Variants in PVT1 observed in about 807,000 individuals in gnomAD.
PVT1 encodes the protein CXCR4/PVT1 fusion.
At chr8:127,934,862 G>T (rs74385935) in intron 3 of PVT1, among the ~76,000 whole-genome samples, 2,823 of 152,228 alleles carry the variant, frequency 0.019, 113 homozygotes, top group African/African-American at 0.065. Flanking sequence ...CTCCACTTTT[G>T]TTGCTCCTGG....
intron 2 of PVT1, among the ~76,000 whole-genome samples, chr8:127,812,256 C>CAGAA (rs1814605116): frequency 8.4e-6 from 1 of 119,226 alleles, no homozygotes; most frequent in African/African-American, 4.3e-5. Context: ...GGCAGGAAGG[C>CAGAA]AGGAAGGCAG....
intron 3 of PVT1, among the ~76,000 whole-genome samples, chr8:127,977,921 T>A (rs1816839397): frequency 6.6e-6 from 1 of 152,166 alleles, no homozygotes; most frequent in Non-Finnish European, 1.5e-5. Flanking sequence ...CCCACGTCCG[T>A]GGTGATGGGT....
At chr8:127,829,716 G>A (rs1284241683) in intron 2 of PVT1, among the ~76,000 whole-genome samples, 6 of 152,186 alleles carry the variant, frequency 3.9e-5, no homozygotes, top group African/African-American at 7.2e-5. Context: ...ACCTTTGCGG[G>A]TTGGCACATG....
intron 3 of PVT1, among the ~76,000 whole-genome samples, chr8:127,970,684 A>G (rs1816756435): frequency 6.6e-6 from 1 of 152,234 alleles, no homozygotes; most frequent in African/African-American, 2.4e-5. Flanking sequence ...CTGGGGTCTC[A>G]TCGTTGGTTA....
intron 4 of PVT1, among the ~76,000 whole-genome samples, chr8:128,060,905 C>CT (rs35320355): frequency 0.013 from 1,596 of 123,608 alleles, 65 homozygotes; most frequent in African/African-American, 0.03. Flanking sequence ...TAGGCAACTA[C>CT]TTTTTTTTTT....
intron 2 of PVT1, among the ~76,000 whole-genome samples, chr8:127,831,139 A>ATC (rs147278525): frequency 0.44 from 61,759 of 141,824 alleles, 13,265 homozygotes; most frequent in Admixed American, 0.56. Flanking sequence ...ATCTATATCT[A>ATC]TCTCTCTCTC....
chr8:128,002,884 CCTTTT>C (rs1210562392), intron 4 of PVT1, among the ~76,000 whole-genome samples: 2 of 151,926 alleles, frequency 1.3e-5, no homozygotes, highest in Admixed American at 6.6e-5. Flanking sequence ...TCTTTTTTTT[CCTTTT>C]CTTTTCTTTT....
chr8:128,003,161 CTT>C (rs71300290), intron 4 of PVT1, among the ~76,000 whole-genome samples: 1 of 128,020 alleles, frequency 7.8e-6, no homozygotes. Flanking sequence ...ACCACCACAC[CTT>C]TTTTTTTTTT....
At chr8:127,957,454 G>T (rs1356728180) in intron 3 of PVT1, among the ~76,000 whole-genome samples, 2 of 151,902 alleles carry the variant, frequency 1.3e-5, no homozygotes, top group Non-Finnish European at 2.9e-5. Context: ...GTACCGTGCA[G>T]CTACTCAGGA....
At chr8:127,968,628 A>T (rs1482079248) in intron 3 of PVT1, among the ~76,000 whole-genome samples, 1 of 152,192 alleles carries the variant, frequency 6.6e-6, no homozygotes, top group Non-Finnish European at 1.5e-5. Flanking sequence ...GGGTTAGTAC[A>T]GTGGGTGAAT....
At chr8:128,037,129 G>T (rs1022313222) in intron 4 of PVT1, among the ~76,000 whole-genome samples, 1 of 152,202 alleles carries the variant, frequency 6.6e-6, no homozygotes, top group African/African-American at 2.4e-5. Flanking sequence ...AAGAGGCAGG[G>T]GTGCCCGAGA....
At chr8:127,821,086 GA>G (rs1349371840) in intron 2 of PVT1, among the ~76,000 whole-genome samples, 1 of 152,132 alleles carries the variant, frequency 6.6e-6, no homozygotes, top group African/African-American at 2.4e-5. Flanking sequence ...TGTGTAACAT[GA>G]AAAAAGCTGT....
intron 3 of PVT1, among the ~76,000 whole-genome samples, chr8:127,958,128 G>A (rs750983705): frequency 5.9e-5 from 9 of 152,220 alleles, no homozygotes; most frequent in Non-Finnish European, 1.0e-4. Context: ...AAGTGTGGAG[G>A]AGGTTGTAAA....
At chr8:128,043,903 G>A (rs1327724958) in intron 4 of PVT1, among the ~76,000 whole-genome samples, 11 of 148,686 alleles carry the variant, frequency 7.4e-5, no homozygotes, top group African/African-American at 5.0e-5. Flanking sequence ...GTGCAATCAC[G>A]GCAGCCTTGA....
chr8:128,041,551 ATGTATGTG>A (rs1172570460), intron 4 of PVT1, among the ~76,000 whole-genome samples: 11 of 25,610 alleles, frequency 4.3e-4, no homozygotes, highest in Admixed American at 1.1e-3. Flanking sequence ...TGCTTGGTGA[ATGTATGTG>A]TGTATTTTGT....
At chr8:127,989,298 GACT>G (rs567725704) in intron 4 of PVT1, 2 of 152,084 alleles carry the variant, frequency 1.3e-5, no homozygotes, top group Non-Finnish European at 2.9e-5. Context: ...TAAGGTAAGC[GACT>G]TTATCTTCCT....
At chr8:128,028,223 G>A (rs746686575) in intron 4 of PVT1, among the ~76,000 whole-genome samples, 2 of 152,248 alleles carry the variant, frequency 1.3e-5, no homozygotes, top group African/African-American at 4.8e-5. Flanking sequence ...TGCTGGTGCC[G>A]GCGCGCTGGC....
chr8:127,804,442 A>G (rs1814503256), intron 2 of PVT1, among the ~76,000 whole-genome samples: 2 of 151,670 alleles, frequency 1.3e-5, no homozygotes, highest in Admixed American at 6.6e-5. Flanking sequence ...AAGTGTTGAG[A>G]TTACAGGTGT....
At chr8:127,816,614 C>G (rs1040148595) in intron 2 of PVT1, among the ~76,000 whole-genome samples, 2 of 151,738 alleles carry the variant, frequency 1.3e-5, no homozygotes, top group Non-Finnish European at 2.9e-5. Flanking sequence ...ACCTCCACCT[C>G]CTGGGTTCAA....
Sources: gnomAD v4.1 joint callset for allele counts (sites outside exome capture counted in the v4.1 genomes callset) on GRCh38, gnomAD v4.1.1 for gene constraint, MANE v1.5 for transcripts, NCBI Gene and HGNC (gene_info 2026-07-23, HGNC 2026-07-21) for gene names.